The following KCNB2 variants were observed in gnomAD, a reference collection of about 807,000 sequenced individuals.
KCNB2 encodes potassium voltage-gated channel subfamily B member 2.
KCNB2 carries 15 observed loss-of-function variants against 61.5 expected under a neutral mutation model. That is an observed-to-expected ratio of 0.24 (90% CI 0.16 to 0.38). The LOEUF (loss-of-function observed/expected upper bound fraction) is 0.38. KCNB2 is among the 10% of genes least tolerant of loss of function. The pLI, the probability that KCNB2 is intolerant of heterozygous loss-of-function variation, is 1.00. For synonymous variants in KCNB2, 457 were observed against 446.0 expected, an observed-to-expected ratio of 1.02 and a Z score of -0.31; for missense variants, 828 against 1,125.2, an observed-to-expected ratio of 0.74 and a Z score of 3.78.
chr8:72,846,314 G>A (rs371641620), intron 2 of KCNB2, among the ~76,000 whole-genome samples: 5 of 152,256 alleles, frequency 3.3e-5, no homozygotes, highest in African/African-American at 9.6e-5. Flanking sequence ...AACTGGGTAA[G>A]AACACCTAGG....
At chr8:72,866,999 G>A (rs973221524) in intron 2 of KCNB2, among the ~76,000 whole-genome samples, 3 of 152,154 alleles carry the variant, frequency 2.0e-5, no homozygotes, top group Admixed American at 2.0e-4. Context: ...CCCCCTTGAG[G>A]ACAGGGACTA....
At chr8:72,554,108 AATAC>A (rs1049658589) in intron 1 of KCNB2, among the ~76,000 whole-genome samples, 5 of 152,118 alleles carry the variant, frequency 3.3e-5, no homozygotes, top group Admixed American at 6.6e-5. Context: ...GTGCTAGTTA[AATAC>A]ATATTCAAGT....
At chr8:72,631,175 A>G (rs1387151528) in intron 2 of KCNB2, among the ~76,000 whole-genome samples, 4 of 152,194 alleles carry the variant, frequency 2.6e-5, no homozygotes, top group Non-Finnish European at 5.9e-5. Flanking sequence ...GAGTTACCCC[A>G]TGTACCTAAG....
chr8:72,572,337 T>G (rs1000119504), intron 2 of KCNB2, among the ~76,000 whole-genome samples: 1 of 152,120 alleles, frequency 6.6e-6, no homozygotes, highest in Non-Finnish European at 1.5e-5. Context: ...TAAGCAGCCC[T>G]TATTGGATAA....
chr8:72,749,936 T>A (rs1808159816), intron 2 of KCNB2, among the ~76,000 whole-genome samples: 1 of 150,338 alleles, frequency 6.7e-6, no homozygotes, highest in African/African-American at 2.4e-5. Flanking sequence ...CAAATGAAGG[T>A]GTAGAATATT....
chr8:72,804,834 G>A (rs180710019), intron 2 of KCNB2, among the ~76,000 whole-genome samples: 199 of 152,288 alleles, frequency 1.3e-3, no homozygotes, highest in African/African-American at 4.4e-3. Flanking sequence ...TTAGAGCTGG[G>A]GCAGAGGCAT....
intron 2 of KCNB2, among the ~76,000 whole-genome samples, chr8:72,914,944 G>A (rs1377243575): frequency 2.7e-5 from 4 of 147,218 alleles, no homozygotes; most frequent in Non-Finnish European, 4.5e-5. Flanking sequence ...TCATTCTGTC[G>A]TCCAGGCTGG....
chr8:72,730,606 G>T (rs1435493406), intron 2 of KCNB2, among the ~76,000 whole-genome samples: 1 of 152,032 alleles, frequency 6.6e-6, no homozygotes, highest in East Asian at 1.9e-4. Context: ...TAAATATTAA[G>T]ATGTGAAGGG....
intron 2 of KCNB2, among the ~76,000 whole-genome samples, chr8:72,656,851 C>T (rs886371992): frequency 5.3e-5 from 8 of 152,032 alleles, no homozygotes; most frequent in Non-Finnish European, 8.8e-5. Flanking sequence ...CTCATCAGAT[C>T]CAGCTTAGGA....
chr8:72,778,733 CAAAAAA>C (rs753797385), intron 2 of KCNB2, among the ~76,000 whole-genome samples: 793 of 13,974 alleles, frequency 0.057, no homozygotes, highest in Non-Finnish European at 0.074. Flanking sequence ...ACAGAGCGAG[CAAAAAA>C]AAAAAAAAAA....
At chr8:72,720,711 G>A (rs2128992725) in intron 2 of KCNB2, among the ~76,000 whole-genome samples, 1 of 152,234 alleles carries the variant, frequency 6.6e-6, no homozygotes, top group Admixed American at 6.5e-5. Flanking sequence ...ATAAAAACTA[G>A]TTGAATGAGT....
chr8:72,776,628 A>G (rs548722474), intron 2 of KCNB2, among the ~76,000 whole-genome samples: 3 of 152,320 alleles, frequency 2.0e-5, no homozygotes, highest in South Asian at 2.1e-4. Flanking sequence ...CTTTACACAC[A>G]TATGTGGGGT....
chr8:72,885,204 C>G (rs1261405179), intron 2 of KCNB2, among the ~76,000 whole-genome samples: 1 of 152,084 alleles, frequency 6.6e-6, no homozygotes, highest in Non-Finnish European at 1.5e-5. Flanking sequence ...CTAGGTCATA[C>G]ATACTACTGA....
At chr8:72,908,172 T>C (rs1255727486) in intron 2 of KCNB2, among the ~76,000 whole-genome samples, 1 of 152,198 alleles carries the variant, frequency 6.6e-6, no homozygotes, top group African/African-American at 2.4e-5. Flanking sequence ...GGAGAGATCT[T>C]TGAACTATGA....
At chr8:72,823,096 G>A (rs540554823) in intron 2 of KCNB2, among the ~76,000 whole-genome samples, 2 of 152,266 alleles carry the variant, frequency 1.3e-5, no homozygotes, top group South Asian at 2.1e-4. Flanking sequence ...ACTCCCTCAT[G>A]TTCTGAGCAG....
At chr8:72,796,216 G>T (rs1313687489) in intron 2 of KCNB2, among the ~76,000 whole-genome samples, 2 of 152,148 alleles carry the variant, frequency 1.3e-5, no homozygotes, top group African/African-American at 4.8e-5. Flanking sequence ...GTGACCACCT[G>T]GTTGGAGCCG....
At chr8:72,753,557 T>A (rs1014826630) in intron 2 of KCNB2, among the ~76,000 whole-genome samples, 8 of 152,168 alleles carry the variant, frequency 5.3e-5, no homozygotes, top group African/African-American at 1.9e-4. Context: ...ATGTAACCAA[T>A]TGAGTAGCTT....
intron 2 of KCNB2, among the ~76,000 whole-genome samples, chr8:72,884,573 T>C (rs1354217745): frequency 1.3e-5 from 2 of 152,198 alleles, no homozygotes; most frequent in East Asian, 1.9e-4. Flanking sequence ...TTTCTAAAAG[T>C]TTTCAAATTT....
chr8:72,756,486 C>T (rs1328877254), intron 2 of KCNB2, among the ~76,000 whole-genome samples: 1 of 152,174 alleles, frequency 6.6e-6, no homozygotes, highest in African/African-American at 2.4e-5. Flanking sequence ...CTTGAATCAC[C>T]TATGGAGTTT....
Sources: allele counts gnomAD v4.1 joint callset (sites outside exome capture counted in the v4.1 genomes callset), GRCh38; gene constraint gnomAD v4.1.1; transcripts MANE v1.5; gene names NCBI Gene and HGNC (gene_info 2026-07-23, HGNC 2026-07-21).